The following MCPH1 variants were observed in gnomAD, a reference collection of about 807,000 sequenced individuals.
MCPH1 encodes microcephalin.
In MCPH1, 104 loss-of-function variants were observed where a neutral mutation model predicts 84.5. That is an observed-to-expected ratio of 1.23 (90% confidence interval 1.05 to 1.45). The LOEUF is 1.45. Ranked by LOEUF, MCPH1 falls within the 40% of genes most tolerant of loss-of-function variation. The pLI, the probability that MCPH1 is intolerant of heterozygous loss-of-function variation, is 0.00. For missense variants in MCPH1, 1,498 were observed against 1,005.7 expected (o/e 1.49, Z -6.62); for synonymous variants, 514 against 366.8 (o/e 1.40, Z -4.58).
At chr8:6,419,068 T>G (rs774898703) in intron 3 of MCPH1, among the ~76,000 whole-genome samples, 1 of 152,120 alleles carries the variant, frequency 6.6e-6, no homozygotes, top group Non-Finnish European at 1.5e-5. Context: ...ACGTTGGGCC[T>G]GCTTAGCTAT....
At chr8:6,580,449 G>T (rs1400382896) in intron 12 of MCPH1, among the ~76,000 whole-genome samples, 1 of 152,164 alleles carries the variant, frequency 6.6e-6, no homozygotes, top group African/African-American at 2.4e-5. Flanking sequence ...GAGGCCAGGA[G>T]TTCAAGACCA....
intron 12 of MCPH1, among the ~76,000 whole-genome samples, chr8:6,590,062 G>A (rs913977258): frequency 3.3e-5 from 5 of 152,122 alleles, no homozygotes; most frequent in African/African-American, 4.8e-5. Flanking sequence ...ACATTAGCAC[G>A]TTCTTTATAA....
In MCPH1 at chr8:6,444,706, G is replaced by C. The variant is rs773404531; in HGVS notation, c.984G>C (p.Glu328Asp). 3.1e-6 allele frequency: 5 copies of C among 1,613,978 alleles called. No homozygotes were observed. The highest frequency in any genetic ancestry group is 4.2e-6 in the Non-Finnish European group (5 of 1,180,042). ...GTATGTCTCAGGAGACGTTTGAAGA[G>C]AAGTATCGTTTGTCTCCTACCTTAT... The part of the protein sequence containing the change: ...AAGMSQETFE[E>D]KYRLSPTLSS... Residue 328 changes from glutamate to aspartate, a missense_variant, in exon 8 of 14, where the codon GAG (glutamate) becomes GAC (aspartate). Physicochemically the swap from Glu to Asp is conservative, Grantham distance 45 (BLOSUM62 2). Transcript: ENST00000344683.
intron 9 of MCPH1, among the ~76,000 whole-genome samples, chr8:6,464,272 G>T (rs1399874571): frequency 6.6e-6 from 1 of 152,158 alleles, no homozygotes; most frequent in Non-Finnish European, 1.5e-5. Context: ...TGGCGGGGAT[G>T]TGCTCGTTGT....
chr8:6,447,111 A>G (rs1804506178), intron 8 of MCPH1: 1 of 985,336 alleles, frequency 1.0e-6, no homozygotes, highest in Non-Finnish European at 1.2e-6. Flanking sequence ...ACAGACGGGA[A>G]GTCACTGGGT....
intron 12 of MCPH1, among the ~76,000 whole-genome samples, chr8:6,541,632 T>G (rs778119187): frequency 2.6e-5 from 4 of 152,114 alleles, no homozygotes; most frequent in Non-Finnish European, 5.9e-5. Flanking sequence ...TTTGTTAAAT[T>G]CTCAGCTTAG....
At chr8:6,483,348 A>G (rs1809463151) in intron 11 of MCPH1, among the ~76,000 whole-genome samples, 3 of 152,214 alleles carry the variant, frequency 2.0e-5, no homozygotes, top group Non-Finnish European at 4.4e-5. Context: ...TGGAGATATT[A>G]AGGAGCCAGA....
At chr8:6,409,495 G>GAAAAAAA in intron 2 of MCPH1, 125 bp downstream of exon 2, 1 of 745,440 alleles carries the variant, frequency 1.3e-6, no homozygotes, top group Admixed American at 2.1e-5. Context: ...TAAGCGGTGG[G>GAAAAAAA]AGAAAAAAGA....
chr8:6,440,346 G>T (rs1397599981), intron 6 of MCPH1, among the ~76,000 whole-genome samples: 1 of 151,956 alleles, frequency 6.6e-6, no homozygotes, highest in Non-Finnish European at 1.5e-5. Flanking sequence ...GTGAATCCTT[G>T]TATTTCTGAG....
chr8:6,564,810 A>G (rs762027960), intron 12 of MCPH1, among the ~76,000 whole-genome samples: 26 of 152,248 alleles, frequency 1.7e-4, no homozygotes, highest in Non-Finnish European at 3.7e-4. Flanking sequence ...CACAATACTC[A>G]GAACTACATT....
intron 13 of MCPH1, chr8:6,635,363 C>G (rs896643973): frequency 6.6e-6 from 1 of 151,990 alleles, no homozygotes. Flanking sequence ...CCCAGAGCAG[C>G]GTGCATTCAC....
At chr8:6,574,231 G>A (rs1405299603) in intron 12 of MCPH1, among the ~76,000 whole-genome samples, 5 of 152,226 alleles carry the variant, frequency 3.3e-5, no homozygotes, top group African/African-American at 1.2e-4. Flanking sequence ...GAGGCTAGAA[G>A]TCTGTAATTG....
intron 12 of MCPH1, among the ~76,000 whole-genome samples, chr8:6,614,595 G>A (rs566866304): frequency 3.3e-5 from 5 of 152,332 alleles, no homozygotes; most frequent in East Asian, 1.9e-4. Flanking sequence ...TTGGCCTAAC[G>A]CCCAATCTGC....
chr8:6,499,066 T>TTAAATAAA (rs150879047), intron 11 of MCPH1, among the ~76,000 whole-genome samples: 3,562 of 148,134 alleles, frequency 0.024, 52 homozygotes, highest in East Asian at 0.048. Flanking sequence ...AATAAATAAA[T>TTAAATAAA]TAAATAAATA....
chr8:6,456,072 C>T (rs1232367515), intron 9 of MCPH1, among the ~76,000 whole-genome samples: 1 of 152,060 alleles, frequency 6.6e-6, no homozygotes, highest in East Asian at 1.9e-4. Flanking sequence ...GGTTAAAAGA[C>T]ATTTAAAATT....
intron 12 of MCPH1, among the ~76,000 whole-genome samples, chr8:6,555,590 T>G (rs1159831561): frequency 6.6e-6 from 1 of 151,800 alleles, no homozygotes; most frequent in African/African-American, 2.4e-5. Flanking sequence ...TCCTCCTGAG[T>G]AGCTGAGACT....
In MCPH1 at chr8:6,445,625, A is replaced by C; in HGVS notation, c.1825+78A>C. 5.3e-6 allele frequency: 8 copies of C among 1,503,150 alleles called. No individual in the cohort carries two copies. The South Asian group carries it at 1.1e-4, about 21-fold the overall frequency. 93.1% of individuals were successfully genotyped at this position (1,503,150 alleles called of 1,614,324 possible). A position where few individuals can be genotyped will look rare whatever the true frequency, so the allele number is the denominator to read the frequency against. On this transcript the variant is annotated intron_variant, in intron 8 of 13. Transcript: ENST00000344683. ...GCATCCATATTTTAAATTTATCACA[A>C]CTTTTTCATAACTTATTTCCCCATT...
chr8:6,460,936 A>G (rs761070215), intron 9 of MCPH1, among the ~76,000 whole-genome samples: 1 of 152,146 alleles, frequency 6.6e-6, no homozygotes. Context: ...GCCTATTTCA[A>G]ACTACTTAGT....
intron 13 of MCPH1, among the ~76,000 whole-genome samples, chr8:6,639,239 G>C (rs1017457390): frequency 6.6e-6 from 1 of 152,158 alleles, no homozygotes; most frequent in Non-Finnish European, 1.5e-5. Context: ...AGTGATATTT[G>C]ATTTCATAGT....
Sources: allele counts gnomAD v4.1 joint callset (sites outside exome capture counted in the v4.1 genomes callset), GRCh38; gene constraint gnomAD v4.1.1; transcripts MANE v1.5; gene names NCBI Gene and HGNC (gene_info 2026-07-23, HGNC 2026-07-21).